Variants in NEXMIF observed in about 807,000 individuals in gnomAD.
The protein encoded by NEXMIF is neurite extension and migration factor.
Under a neutral mutation model 62.1 loss-of-function variants are expected in NEXMIF, and 8 were observed. The observed-to-expected ratio is 0.13, with a 90% CI of 0.08 to 0.23. NEXMIF has a LOEUF of 0.23. NEXMIF is among the 10% of genes least tolerant of loss of function. NEXMIF has a pLI of 1.00. For synonymous variants in NEXMIF, 404 were observed against 416.6 expected (o/e 0.97, Z 0.37); for missense variants, 976 against 1,113.3 (o/e 0.88, Z 1.75).
chrX:74,888,371 G>A (rs778522861), intron 1 of NEXMIF, among the ~76,000 whole-genome samples: 1 of 109,946 alleles, frequency 9.1e-6, no homozygotes, highest in Admixed American at 9.7e-5. Flanking sequence ...TATAAAAAAG[G>A]ATGAGTTCAT....
chrX:74,912,330 C>T (rs1038533423), intron 1 of NEXMIF, among the ~76,000 whole-genome samples: 3 of 111,447 alleles, frequency 2.7e-5, no homozygotes, highest in Non-Finnish European at 1.9e-5. Context: ...TTTCTGTTAA[C>T]GTTTCCTCAA....
At chrX:74,810,692 C>T (rs959873240) in intron 1 of NEXMIF, among the ~76,000 whole-genome samples, 2 of 109,530 alleles carry the variant, frequency 1.8e-5, no homozygotes, top group South Asian at 3.9e-4. Flanking sequence ...GACATTGTTA[C>T]GTCACCTTAA....
intron 1 of NEXMIF, among the ~76,000 whole-genome samples, chrX:74,852,059 C>A (rs1342008370): frequency 1.8e-5 from 2 of 110,145 alleles, no homozygotes; most frequent in African/African-American, 6.6e-5. Flanking sequence ...TGTATAGAAT[C>A]CCTATAAGAA....
At chrX:74,849,749 G>A (rs760996257) in intron 1 of NEXMIF, among the ~76,000 whole-genome samples, 1 of 112,440 alleles carries the variant, frequency 8.9e-6, no homozygotes, top group African/African-American at 3.2e-5. Context: ...CCTGAAGACA[G>A]ATTTCTCCAT....
At chrX:74,829,413 A>T (rs182538724) in intron 1 of NEXMIF, among the ~76,000 whole-genome samples, 1 of 112,070 alleles carries the variant, frequency 8.9e-6, no homozygotes, top group East Asian at 2.8e-4. Context: ...ATAGTACTTC[A>T]TGGTGTATAT....
chrX:74,860,314 C>T (rs937818425), intron 1 of NEXMIF, among the ~76,000 whole-genome samples: 1 of 111,866 alleles, frequency 8.9e-6, no homozygotes, highest in Non-Finnish European at 1.9e-5. Flanking sequence ...AATCTAGAGA[C>T]TTCAACAAAT....
In NEXMIF at chrX:74,744,007, T is replaced by A. The variant is rs778749406; in HGVS notation, c.550A>T (p.Ile184Phe). Residue 184 changes from isoleucine to phenylalanine, a missense_variant, in exon 3 of 4, where the codon ATT becomes TTT. Ile to Phe is a conservative substitution (Grantham distance 21). Coordinates refer to ENST00000055682, the MANE Select transcript of NEXMIF (RefSeq NM_001008537.3). ...YETCAVSDIG[I>F]QCINAGENMK... Reference sequence around the variant, plus strand: ...TTTTCTCCAGCATTAATACACTGAATCCCTATATCAGAGACTGCACACGTT... The same window carrying A: ...TTTTCTCCAGCATTAATACACTGAAACCCTATATCAGAGACTGCACACGTT... 2.5e-6 allele frequency: 3 copies of A among 1,209,948 alleles called. No homozygotes were observed. The South Asian group carries it at 5.3e-5, about 21-fold the overall frequency.
intron 1 of NEXMIF, among the ~76,000 whole-genome samples, chrX:74,822,686 A>G (rs2080401031): frequency 8.9e-6 from 1 of 112,354 alleles, no homozygotes; most frequent in South Asian, 3.7e-4. Flanking sequence ...AAAAATGACA[A>G]TGAGATACCA....
At chrX:74,863,384 G>A (rs2080565234) in intron 1 of NEXMIF, among the ~76,000 whole-genome samples, 1 of 111,057 alleles carries the variant, frequency 9.0e-6, no homozygotes, top group African/African-American at 3.3e-5. Context: ...TAGACCTCTA[G>A]CTAGACTAAT....
At chrX:74,815,660 A>C (rs2080373608) in intron 1 of NEXMIF, among the ~76,000 whole-genome samples, 1 of 98,241 alleles carries the variant, frequency 1.0e-5, no homozygotes, top group Non-Finnish European at 2.0e-5. Context: ...TTTGAGATGG[A>C]GTCTCGCTCT....
rs2080102756 is a variant in NEXMIF at position 74,741,378 on chromosome X, G to C, written c.3179C>G (p.Pro1060Arg). 1 of 1,211,447 alleles carries C rather than the reference G, an allele frequency of 8.3e-7. No homozygotes were observed. The highest frequency in any genetic ancestry group is 1.1e-6 in the Non-Finnish European group (1 of 895,367). ...TDLLDISNFT[P>R]DKFRHSSLSE... ...AAGGGAAGAGTGGCGGAATTTGTCA[G>C]GGGTGAAGTTGGATATATCCAGGAG... The change falls in exon 3 of 4, where the codon CCT (proline) becomes CGT (arginine). Residue 1060 changes from proline to arginine, a missense_variant. Coordinates refer to ENST00000055682, the MANE Select transcript of NEXMIF (RefSeq NM_001008537.3).
At chrX:74,758,745 CT>C (rs1382986129) in intron 1 of NEXMIF, among the ~76,000 whole-genome samples, 1 of 111,849 alleles carries the variant, frequency 8.9e-6, no homozygotes, top group Non-Finnish European at 1.9e-5. Context: ...TGACCTCGTT[CT>C]TTTTTTATGG....
At chrX:74,840,372 CAGAG>C (rs757930906) in intron 1 of NEXMIF, among the ~76,000 whole-genome samples, 50 of 111,251 alleles carry the variant, frequency 4.5e-4, no homozygotes, top group Non-Finnish European at 8.1e-4. Flanking sequence ...GCAAAAAAAT[CAGAG>C]AGGACACAAA....
chrX:74,922,078 A>G (rs915826662), intron 1 of NEXMIF, among the ~76,000 whole-genome samples: 50 of 111,320 alleles, frequency 4.5e-4, no homozygotes, highest in African/African-American at 1.5e-3. Context: ...GGTCCGTGAG[A>G]CGAGGACCTC....
intron 1 of NEXMIF, among the ~76,000 whole-genome samples, chrX:74,890,009 CCTCTCT>C (rs72396692): frequency 4.0e-4 from 38 of 95,485 alleles, no homozygotes; most frequent in African/African-American, 1.1e-3. Context: ...TCTCTCTCTC[CCTCTCT>C]CTCTCTCTCT....
At chrX:74,792,456 T>G (rs1336810447) in intron 1 of NEXMIF, among the ~76,000 whole-genome samples, 3 of 106,948 alleles carry the variant, frequency 2.8e-5, no homozygotes, top group African/African-American at 6.8e-5. Flanking sequence ...ATTCTGTTGA[T>G]TTGGGGTGGA....
intron 1 of NEXMIF, among the ~76,000 whole-genome samples, chrX:74,789,803 C>A (rs1468058036): frequency 1.0e-4 from 11 of 108,138 alleles, no homozygotes; most frequent in Non-Finnish European, 1.7e-4. Context: ...ATGTCCTTCG[C>A]CCACTTTTTG....
At chrX:74,803,773 A>C (rs772923211) in intron 1 of NEXMIF, among the ~76,000 whole-genome samples, 1 of 106,483 alleles carries the variant, frequency 9.4e-6, no homozygotes, top group South Asian at 4.1e-4. Flanking sequence ...GAAAAAAAAA[A>C]CACACACACT....
In NEXMIF at chrX:74,739,813, T is replaced by C. The variant is rs954250219; in HGVS notation, c.4457+287A>G. On this transcript the variant is annotated intron_variant, in intron 3 of 3. Coordinates refer to ENST00000055682, the MANE Select transcript of NEXMIF (RefSeq NM_001008537.3). ...TCAAGAGCATATTTTAATTCTATTT[T>C]CTTAATATGTAGTAACTAGTGATGA... 2.7e-5 allele frequency among the ~76,000 whole-genome samples: 3 copies of C among 111,000 alleles called. No individual in the cohort carries two copies. The Admixed American group carries it at 2.9e-4, about 11-fold the overall frequency.
Sources: gnomAD v4.1 joint callset for allele counts (sites outside exome capture counted in the v4.1 genomes callset) on GRCh38, gnomAD v4.1.1 for gene constraint, MANE v1.5 for transcripts, NCBI Gene and HGNC (gene_info 2026-07-23, HGNC 2026-07-21) for gene names.